ADGRV1: variants seen among roughly 807,000 people sequenced by gnomAD.
The protein encoded by ADGRV1 is G-protein coupled receptor 98.
ADGRV1 carries 359 observed loss-of-function variants against 596.2 expected under a neutral mutation model. The observed-to-expected ratio is 0.60, with a 90% CI of 0.55 to 0.66. The LOEUF (loss-of-function observed/expected upper bound fraction) is 0.66, where lower values mean the gene tolerates loss of function less well. Ranked by LOEUF, ADGRV1 falls within the 30% of genes least tolerant of loss-of-function variation. The pLI is 0.00. For synonymous variants in ADGRV1, 2,681 were observed against 2,679.2 expected, an observed-to-expected ratio of 1.00 and a Z score of -0.02; for missense variants, 7,274 against 7,575.6, an observed-to-expected ratio of 0.96 and a Z score of 1.48.
intron 11 of ADGRV1, among the ~76,000 whole-genome samples, chr5:90,639,890 A>G (rs1271863360): frequency 1.3e-5 from 2 of 152,204 alleles, no homozygotes; most frequent in Non-Finnish European, 2.9e-5. Flanking sequence ...CAATATTGCA[A>G]TGAAAATAGT....
chr5:91,101,166 G>A (rs1051213309), intron 86 of ADGRV1, among the ~76,000 whole-genome samples: 1 of 152,028 alleles, frequency 6.6e-6, no homozygotes, highest in African/African-American at 2.4e-5. Flanking sequence ...TTATTCAGAG[G>A]GTAATGGGGG....
chr5:90,982,493 A>G (rs1780158331), intron 84 of ADGRV1, among the ~76,000 whole-genome samples: 1 of 152,236 alleles, frequency 6.6e-6, no homozygotes, highest in South Asian at 2.1e-4. Flanking sequence ...GGAAGAAGAA[A>G]GAAAAACTAA....
chr5:91,059,890 TA>T (rs1318905529), intron 85 of ADGRV1, among the ~76,000 whole-genome samples: 4 of 152,156 alleles, frequency 2.6e-5, no homozygotes, highest in African/African-American at 9.7e-5. Context: ...AAATGATAAA[TA>T]AATACTAATT....
At chr5:90,766,964 G>A (rs1249852042) in intron 59 of ADGRV1, among the ~76,000 whole-genome samples, 1 of 152,184 alleles carries the variant, frequency 6.6e-6, no homozygotes, top group Admixed American at 6.5e-5. Context: ...TGAGCACAGA[G>A]TTGTTTTTAA....
At chr5:90,822,687 G>T (rs1364008717) in intron 75 of ADGRV1, among the ~76,000 whole-genome samples, 1 of 152,116 alleles carries the variant, frequency 6.6e-6, no homozygotes, top group African/African-American at 2.4e-5. Flanking sequence ...TAGCTTGATG[G>T]GGTTGGCATT....
intron 75 of ADGRV1, among the ~76,000 whole-genome samples, chr5:90,822,554 A>G (rs937301518): frequency 6.6e-6 from 1 of 152,136 alleles, no homozygotes; most frequent in Non-Finnish European, 1.5e-5. Context: ...GTTTGAGGTC[A>G]GGTAGCGTGA....
intron 87 of ADGRV1, among the ~76,000 whole-genome samples, chr5:91,119,590 A>T (rs1001182679): frequency 6.6e-6 from 1 of 152,220 alleles, no homozygotes; most frequent in Admixed American, 6.5e-5. Flanking sequence ...ATCTAAATGT[A>T]ATCTCCATAG....
At chr5:91,007,141 A>G (rs1782346011) in intron 85 of ADGRV1, among the ~76,000 whole-genome samples, 1 of 152,182 alleles carries the variant, frequency 6.6e-6, no homozygotes. Context: ...AAAATATCTT[A>G]GTTTTACAAA....
chr5:90,818,483 G>C (rs1292241787), intron 75 of ADGRV1, among the ~76,000 whole-genome samples: 1 of 150,304 alleles, frequency 6.7e-6, no homozygotes, highest in Non-Finnish European at 1.5e-5. Context: ...GGGCATCCCT[G>C]TCTTGTGCCA....
intron 86 of ADGRV1, among the ~76,000 whole-genome samples, chr5:91,078,227 C>G (rs1453693040): frequency 6.6e-6 from 1 of 151,876 alleles, no homozygotes; most frequent in African/African-American, 2.4e-5. Context: ...TTATTGAAAA[C>G]TTTTTATAGT....
rs563795631 is a variant in ADGRV1, at chr5:90,815,539, G to A, written c.16079-80G>A. 15 of 754,100 alleles carry A rather than the reference G, an allele frequency of 2.0e-5. No individual in the cohort carries two copies. The African/African-American group carries it at 2.1e-4, about 10-fold the overall frequency. 46.7% of individuals were successfully genotyped at this position (754,100 alleles called of 1,614,324 possible). A position where few individuals can be genotyped will look rare whatever the true frequency, so the allele number is the denominator to read the frequency against. On this transcript the variant is annotated intron_variant, in intron 74 of 89. Coordinates refer to ENST00000405460, the MANE Select transcript of ADGRV1 (RefSeq NM_032119.4). Reference sequence around the variant, plus strand: ...TGAATTTCTCACTTTTAAACCATCTGAGCTGGCAAGATTAGTGGAGCATGG... The same window carrying A: ...TGAATTTCTCACTTTTAAACCATCTAAGCTGGCAAGATTAGTGGAGCATGG...
At position 90,705,559 on chromosome 5, in the gene ADGRV1, A is replaced by G; in HGVS notation, c.8546A>G (p.Asn2849Ser). The G allele has an allele frequency of 1.2e-6, 2 of 1,613,754 alleles. No homozygotes were observed. The highest frequency in any genetic ancestry group is 1.7e-6 in the Non-Finnish European group (2 of 1,179,752). The change falls in exon 37 of 90, where the codon AAC becomes AGC. Residue 2849 changes from asparagine to serine, a missense_variant. Asn to Ser is a conservative substitution (Grantham distance 46). Coordinates refer to ENST00000405460, the MANE Select transcript of ADGRV1 (RefSeq NM_032119.4). ...AACATAACAATTCAGCTTTTCATCA[A>G]CAGAGAATTTGGATCTCTAGGTTTG... ...EANITIQLFINREFGSLGAIN... is the reference protein window; with the variant it reads ...EANITIQLFISREFGSLGAIN...
At chr5:91,145,710 A>G (rs1795481652) in intron 87 of ADGRV1, among the ~76,000 whole-genome samples, 1 of 152,158 alleles carries the variant, frequency 6.6e-6, no homozygotes. Context: ...GATCATGGTT[A>G]GAGCAATTAC....
At chr5:91,024,933 C>A (rs997262879) in intron 85 of ADGRV1, among the ~76,000 whole-genome samples, 1 of 152,098 alleles carries the variant, frequency 6.6e-6, no homozygotes, top group Non-Finnish European at 1.5e-5. Context: ...AGTGGGTCTC[C>A]CCATCGACTT....
At chr5:90,780,056 A>G (rs1205856315) in intron 64 of ADGRV1, 2 of 152,186 alleles carry the variant, frequency 1.3e-5, no homozygotes, top group Non-Finnish European at 2.9e-5. Context: ...AATATAGTAA[A>G]AAGTTTGAGC....
intron 47 of ADGRV1, 138 bp from the exon 48 acceptor site, chr5:90,725,411 G>A: frequency 1.5e-6 from 1 of 685,706 alleles, no homozygotes; most frequent in South Asian, 2.2e-5. Flanking sequence ...TTTTTAAAAT[G>A]ACACTTAGTT....
At chr5:91,047,031 G>A (rs1374956016) in intron 85 of ADGRV1, among the ~76,000 whole-genome samples, 2 of 152,108 alleles carry the variant, frequency 1.3e-5, no homozygotes, top group South Asian at 4.1e-4. Context: ...TACCGGCGTG[G>A]ATGCAGTGAA....
rs568857191 is a variant in ADGRV1, at chr5:91,014,685, G to A, written c.18152+29163G>A. On this transcript the variant is annotated intron_variant, in intron 85 of 89. Transcript: ENST00000405460. ...GGTTTTCCAGTTTGTATGCAAAGGT[G>A]TGTTTGTAGTAGTTTCTGATGGTAA... Among the ~76,000 whole-genome samples the A allele has an allele frequency of 5.0e-4, 76 of 152,066 alleles. No individual in the cohort carries two copies. In the South Asian group the frequency reaches 0.011, roughly 22 times the overall value.
chr5:90,645,938 C>A, intron 15 of ADGRV1, 30 bp from the exon 16 acceptor site: 1 of 1,537,082 alleles, frequency 6.5e-7, no homozygotes, highest in Non-Finnish European at 8.8e-7. Flanking sequence ...TATAAGTCAC[C>A]TGACTTAAAA....
Sources: allele counts gnomAD v4.1 joint callset (sites outside exome capture counted in the v4.1 genomes callset), GRCh38; gene constraint gnomAD v4.1.1; transcripts MANE v1.5; gene names NCBI Gene and HGNC (gene_info 2026-07-23, HGNC 2026-07-21).